Variants in VRK2 observed in about 807,000 individuals in gnomAD.
The protein encoded by VRK2 is serine/threonine-protein kinase VRK2.
VRK2 carries 60 observed loss-of-function variants against 57.6 expected under a neutral mutation model. That is an observed-to-expected ratio of 1.04 (90% CI 0.85 to 1.29). The LOEUF is 1.29. Ranked by LOEUF, VRK2 falls within the 50% of genes most tolerant of loss-of-function variation. The probability of loss-of-function intolerance (pLI) is 0.00; values close to 1 mark genes in which losing one functional copy is unlikely to be tolerated. For missense variants in VRK2, 705 were observed against 588.1 expected, an observed-to-expected ratio of 1.20 and a Z score of -2.06; for synonymous variants, 231 against 199.2, an observed-to-expected ratio of 1.16 and a Z score of -1.35.
rs78811955 is a variant in VRK2 at position 57,962,653 on chromosome 2, A to G, written c.-439+54814A>G. Among the ~76,000 whole-genome samples, 24 of 152,280 alleles carry G rather than the reference A, an allele frequency of 1.6e-4. No individual in the cohort carries two copies. The East Asian group carries it at 4.6e-3, about 29-fold the overall frequency. ...TGTACTCAGTGTTTAGCTCCAATCT[A>G]TAAATGAGAACATGCAGTATTTCCG... On this transcript the variant is annotated intron_variant, in intron 1 of 15. Coordinates refer to the VRK2 transcript ENST00000417641.
intron 12 of VRK2, among the ~76,000 whole-genome samples, chr2:58,154,019 T>A (rs1375883969): frequency 6.6e-6 from 1 of 152,172 alleles, no homozygotes; most frequent in Admixed American, 6.5e-5. Context: ...TGAGTTAGTT[T>A]TGGTAATTTG....
rs147811379 is a variant in VRK2, at chr2:58,159,432, T to C, written c.1266T>C (p.Tyr422=). The C allele has an allele frequency of 3.5e-4, 560 of 1,613,698 alleles. 2 individuals are homozygous for C. In the Admixed American group the frequency reaches 6.7e-3, roughly 19 times the overall value. ...ACAGTTTCCCACAAAAAATCAGCTA[T>C]ACACAATTCCCAAACTCATTTTATG... is the stretch of plus-strand genomic sequence containing the variant. ...EVNSFPQKIS[Y]TQFPNSFYEP... is the part of the protein sequence containing the mutation. The change falls in exon 13 of 13, where the codon TAT becomes TAC. Residue 422 remains tyrosine (Y), a synonymous_variant. Transcript: ENST00000340157.
intron 12 of VRK2, among the ~76,000 whole-genome samples, chr2:58,150,415 C>T (rs533309331): frequency 1.3e-5 from 2 of 151,184 alleles, no homozygotes; most frequent in Non-Finnish European, 3.0e-5. Context: ...TTTATTTTCC[C>T]TTTATCATCA....
At chr2:57,983,310 T>C (rs1672490254) in intron 1 of VRK2, among the ~76,000 whole-genome samples, 1 of 152,206 alleles carries the variant, frequency 6.6e-6, no homozygotes, top group African/African-American at 2.4e-5. Flanking sequence ...CCTCTGACCA[T>C]AGCCAGGAAA....
chr2:57,965,399 G>T (rs1277841030), intron 1 of VRK2, among the ~76,000 whole-genome samples: 1 of 152,222 alleles, frequency 6.6e-6, no homozygotes, highest in Non-Finnish European at 1.5e-5. Context: ...ATGGGAACCA[G>T]AAATTTGAAA....
intron 7 of VRK2, among the ~76,000 whole-genome samples, chr2:58,107,403 CTT>C (rs1288604429): frequency 6.6e-6 from 1 of 152,020 alleles, no homozygotes; most frequent in East Asian, 1.9e-4. Context: ...GGTCTTCTCT[CTT>C]TACGCATGAT....
intron 2 of VRK2, among the ~76,000 whole-genome samples, chr2:58,056,998 T>A (rs1299218821): frequency 1.3e-5 from 2 of 152,176 alleles, no homozygotes; most frequent in Non-Finnish European, 2.9e-5. Context: ...TTTGTTCCGA[T>A]GGTGTGCTTT....
intron 1 of VRK2, among the ~76,000 whole-genome samples, chr2:58,000,650 T>G (rs1673062378): frequency 6.6e-6 from 1 of 152,232 alleles, no homozygotes; most frequent in Admixed American, 6.5e-5. Context: ...TGGTCACTGC[T>G]TTTTCTAAAG....
At chr2:58,121,493 C>G (rs1330938522) in intron 7 of VRK2, among the ~76,000 whole-genome samples, 1 of 152,172 alleles carries the variant, frequency 6.6e-6, no homozygotes, top group African/African-American at 2.4e-5. Flanking sequence ...AGATCAATTA[C>G]TTCTGAGGCC....
In VRK2 at chr2:58,008,368, C is replaced by T. The variant is rs183688222; in HGVS notation, c.-438-17297C>T. Among the ~76,000 whole-genome samples the T allele has an allele frequency of 7.7e-4, 116 of 151,454 alleles. 1 individual carries two copies. Among genetic ancestry groups the T allele is most frequent in the African/African-American group, 2.6e-3 (107 of 41,304 alleles). ...AGGAAGATGAAAAGGAAGGAAGGAA[C>T]GAAGAAAGGAAGCAGGAGAGGAAGA... On this transcript the variant is annotated intron_variant, in intron 1 of 15. Coordinates refer to the VRK2 transcript ENST00000417641.
chr2:57,961,872 T>A (rs1273492571), intron 1 of VRK2, among the ~76,000 whole-genome samples: 2 of 151,962 alleles, frequency 1.3e-5, no homozygotes, highest in Non-Finnish European at 2.9e-5. Context: ...AGCCCAGAAG[T>A]TGGAGACACA....
At chr2:57,972,015 G>T (rs1296350024) in intron 1 of VRK2, among the ~76,000 whole-genome samples, 1 of 151,728 alleles carries the variant, frequency 6.6e-6, no homozygotes, top group East Asian at 1.9e-4. Flanking sequence ...GCTTCTTCAG[G>T]TTGGCTCTGG....
intron 8 of VRK2, among the ~76,000 whole-genome samples, chr2:58,125,624 T>G (rs1678223256): frequency 6.6e-6 from 1 of 152,042 alleles, no homozygotes; most frequent in Non-Finnish European, 1.5e-5. Context: ...TTTTACCAGA[T>G]TCTTATAAAA....
chr2:58,107,817 G>T (rs1573141672), intron 7 of VRK2, among the ~76,000 whole-genome samples: 1 of 152,082 alleles, frequency 6.6e-6, no homozygotes. Flanking sequence ...TTCTCTGCCA[G>T]CTCCAAATGT....
chr2:58,017,753 T>C (rs915711718), intron 1 of VRK2, among the ~76,000 whole-genome samples: 1 of 152,202 alleles, frequency 6.6e-6, no homozygotes, highest in African/African-American at 2.4e-5. Context: ...TGTGATTAAA[T>C]ATGGAATAAA....
At position 58,001,815 on chromosome 2, in the gene VRK2, C is replaced by G. The variant is rs537072441; in HGVS notation, c.-438-23850C>G. 2.0e-5 allele frequency among the ~76,000 whole-genome samples: 3 copies of G among 152,214 alleles called. No homozygotes were observed. In the South Asian group the frequency reaches 6.2e-4, roughly 32 times the overall value. The stretch of plus-strand genomic sequence containing the variant: ...CCAGCCTGGGCGACAGAATAAGACT[C>G]TGTCTCAATAATAATAAAAATAGTA... On this transcript the variant is annotated intron_variant, in intron 1 of 15. Coordinates refer to the VRK2 transcript ENST00000417641.
At chr2:58,145,016 T>G (rs7587962) in intron 11 of VRK2, among the ~76,000 whole-genome samples, 1 of 152,086 alleles carries the variant, frequency 6.6e-6, no homozygotes, top group Admixed American at 6.6e-5. Flanking sequence ...ACTGGCTACT[T>G]CACTATTTCC....
intron 1 of VRK2, among the ~76,000 whole-genome samples, chr2:57,970,828 T>C (rs948313283): frequency 4.6e-5 from 7 of 152,014 alleles, no homozygotes; most frequent in Non-Finnish European, 1.0e-4. Flanking sequence ...CTACTACCAT[T>C]GCTAGATTAC....
chr2:57,965,970 G>A (rs1671904096), intron 1 of VRK2, among the ~76,000 whole-genome samples: 1 of 152,084 alleles, frequency 6.6e-6, no homozygotes, highest in South Asian at 2.1e-4. Flanking sequence ...TCCTTTTTAA[G>A]TATTTTCAAG....
Sources: gnomAD v4.1 joint callset for allele counts (sites outside exome capture counted in the v4.1 genomes callset) on GRCh38, gnomAD v4.1.1 for gene constraint, MANE v1.5 for transcripts, NCBI Gene and HGNC (gene_info 2026-07-23, HGNC 2026-07-21) for gene names.